PRKCQ: variants seen among roughly 807,000 people sequenced by gnomAD.
The protein encoded by PRKCQ is protein kinase C theta type.
A neutral mutation model predicts 91.2 loss-of-function variants in PRKCQ; 41 were observed. The observed-to-expected ratio is 0.45, with a 90% CI of 0.35 to 0.58. The LOEUF is 0.58. PRKCQ is among the 20% of genes least tolerant of loss of function. PRKCQ has a pLI of 0.00. For synonymous variants in PRKCQ, 307 were observed against 316.9 expected, an observed-to-expected ratio of 0.97 and a Z score of 0.33; for missense variants, 673 against 896.5, an observed-to-expected ratio of 0.75 and a Z score of 3.18.
intron 2 of PRKCQ, among the ~76,000 whole-genome samples, chr10:6,512,629 CA>C (rs34569011): frequency 1.3e-5 from 2 of 152,266 alleles, no homozygotes; most frequent in Admixed American, 1.3e-4. Flanking sequence ...GTCGATTAAG[CA>C]AAAGGGGAAA....
intron 1 of PRKCQ, among the ~76,000 whole-genome samples, chr10:6,523,419 C>A (rs1268610665): frequency 6.6e-6 from 1 of 152,038 alleles, no homozygotes; most frequent in African/African-American, 2.4e-5. Flanking sequence ...CCACTGTACT[C>A]CAGCCTGGGC....
chr10:6,398,851 T>G, the PRKCQ span, among the ~76,000 whole-genome samples: 25 of 152,074 alleles, frequency 1.6e-4, no homozygotes, highest in African/African-American at 6.0e-4. Context: ...CCTCCTGGGC[T>G]CAAGCCATCC....
At chr10:6,471,370 G>A (rs1000061540) in intron 12 of PRKCQ, among the ~76,000 whole-genome samples, 3 of 152,222 alleles carry the variant, frequency 2.0e-5, no homozygotes, top group African/African-American at 7.2e-5. Flanking sequence ...TGAGAAGCCT[G>A]AGCGTCTGAA....
intron 1 of PRKCQ, among the ~76,000 whole-genome samples, chr10:6,517,588 C>CTTTTTTTTTT (rs56306878): frequency 6.1e-5 from 3 of 49,480 alleles, no homozygotes; most frequent in African/African-American, 1.6e-4. Flanking sequence ...AAGATAGCAT[C>CTTTTTTTTTT]TTTTTTTTTT....
In PRKCQ at chr10:6,491,844, A is replaced by G. The variant is rs763350133; in HGVS notation, c.661-32T>C. Reference sequence around the variant, plus strand: ...GAAAGGCAGAAGGTGAAATCTGTGTATTCCTGGGGCCCCGACTTTGGATGT... The same window carrying G: ...GAAAGGCAGAAGGTGAAATCTGTGTGTTCCTGGGGCCCCGACTTTGGATGT... On this transcript the variant is annotated intron_variant, in intron 7 of 17. Transcript: ENST00000263125. The G allele has an allele frequency of 2.5e-6, 4 of 1,613,966 alleles. No individual in the cohort carries two copies. In the East Asian group the frequency reaches 6.7e-5, roughly 27 times the overall value.
At position 6,435,662 on chromosome 10, in the gene PRKCQ, G is replaced by A. The variant is rs114099968; in HGVS notation, c.1837-4724C>T. Among the ~76,000 whole-genome samples the A allele has an allele frequency of 6.0e-3, 910 of 152,270 alleles. 9 individuals are homozygous for A. The highest frequency in any genetic ancestry group is 0.021 in the African/African-American group (883 of 41,536). On this transcript the variant is annotated intron_variant, in intron 16 of 17. Coordinates refer to ENST00000263125, the MANE Select transcript of PRKCQ (RefSeq NM_006257.5). ...CGCATTGGAAGAAGGATTGTCTTGG[G>A]CCACACCTAAAATACACTAACACTA...
intron 17 of PRKCQ, among the ~76,000 whole-genome samples, chr10:6,428,928 T>C (rs189833576): frequency 6.6e-6 from 1 of 152,334 alleles, no homozygotes; most frequent in African/African-American, 2.4e-5. Context: ...TTCAGACCAC[T>C]TGGTCCATTG....
intron 1 of PRKCQ, among the ~76,000 whole-genome samples, chr10:6,515,840 G>C (rs2130871318): frequency 6.6e-6 from 1 of 152,306 alleles, no homozygotes; most frequent in East Asian, 1.9e-4. Flanking sequence ...TGCTTTCCAA[G>C]AGGTTTAGAT....
intron 2 of PRKCQ, among the ~76,000 whole-genome samples, chr10:6,511,664 C>G (rs533067215): frequency 1.3e-5 from 2 of 152,264 alleles, no homozygotes; most frequent in Admixed American, 1.3e-4. Context: ...TATGAGAAAA[C>G]AGGAACTTGG....
chr10:6,553,751 T>C (rs1383805617), intron 1 of PRKCQ, among the ~76,000 whole-genome samples: 2 of 152,190 alleles, frequency 1.3e-5, no homozygotes, highest in African/African-American at 2.4e-5. Flanking sequence ...TATGCACATA[T>C]CTTCAACTTT....
chr10:6,514,113 C>T (rs889336077), intron 2 of PRKCQ, among the ~76,000 whole-genome samples: 12 of 152,136 alleles, frequency 7.9e-5, no homozygotes, highest in East Asian at 3.8e-4. Flanking sequence ...GTGGTCTCTC[C>T]GTAAACACTT....
the PRKCQ span, among the ~76,000 whole-genome samples, chr10:6,420,139 C>T: frequency 6.6e-6 from 1 of 152,168 alleles, no homozygotes. Context: ...TAGGTGCGCA[C>T]TACCACACCT....
At chr10:6,411,212 A>G in the PRKCQ span, among the ~76,000 whole-genome samples, 1 of 152,290 alleles carries the variant, frequency 6.6e-6, no homozygotes, top group South Asian at 2.1e-4. Context: ...TAAGCTCTTT[A>G]TCAGTTAGTG....
At chr10:6,445,251 C>T (rs1834216984) in intron 15 of PRKCQ, among the ~76,000 whole-genome samples, 1 of 152,012 alleles carries the variant, frequency 6.6e-6, no homozygotes. Context: ...CATCCCTGAC[C>T]CTCCACCACC....
chr10:6,514,850 A>C (rs956239307), intron 2 of PRKCQ, among the ~76,000 whole-genome samples, 168 bp downstream of exon 2: 3 of 152,182 alleles, frequency 2.0e-5, no homozygotes, highest in Non-Finnish European at 2.9e-5. Flanking sequence ...CCATCACGAA[A>C]TGTGTGTCCA....
chr10:6,468,858 G>T (rs1227318072), intron 12 of PRKCQ, among the ~76,000 whole-genome samples: 2 of 152,204 alleles, frequency 1.3e-5, no homozygotes, highest in Non-Finnish European at 2.9e-5. Flanking sequence ...ACCAGAGATA[G>T]AATTCAACTC....
intron 1 of PRKCQ, among the ~76,000 whole-genome samples, chr10:6,543,429 T>C (rs1293106465): frequency 6.6e-6 from 1 of 151,530 alleles, no homozygotes; most frequent in African/African-American, 2.4e-5. Flanking sequence ...AAAGGTGGCG[T>C]TGGGGAAAAA....
At chr10:6,510,040 C>T (rs1376060965) in intron 3 of PRKCQ, among the ~76,000 whole-genome samples, 1 of 152,078 alleles carries the variant, frequency 6.6e-6, no homozygotes, top group Non-Finnish European at 1.5e-5. Context: ...TTCTTAAAAT[C>T]TGAGTTTAAA....
chr10:6,541,286 C>T (rs139269871), intron 1 of PRKCQ, among the ~76,000 whole-genome samples: 3 of 152,310 alleles, frequency 2.0e-5, no homozygotes, highest in African/African-American at 4.8e-5. Context: ...CTGAATTTGG[C>T]GTTGGCCTAG....
Sources: allele counts gnomAD v4.1 joint callset (sites outside exome capture counted in the v4.1 genomes callset), GRCh38; gene constraint gnomAD v4.1.1; transcripts MANE v1.5; gene names NCBI Gene and HGNC (gene_info 2026-07-23, HGNC 2026-07-21).